The following CAP2 variants were observed in gnomAD, a reference collection of about 807,000 sequenced individuals.
The protein encoded by CAP2 is adenylyl cyclase-associated protein 2.
Under a neutral mutation model 57.7 loss-of-function variants are expected in CAP2, and 24 were observed. That is an observed-to-expected ratio of 0.42 (90% confidence interval 0.30 to 0.58). The LOEUF (loss-of-function observed/expected upper bound fraction) is 0.58. CAP2 is among the 20% of genes least tolerant of loss of function. The probability of loss-of-function intolerance (pLI) is 0.22; values close to 1 mark genes in which losing one functional copy is unlikely to be tolerated. For synonymous variants in CAP2, 194 were observed against 207.2 expected, an observed-to-expected ratio of 0.94 and a Z score of 0.55; for missense variants, 501 against 590.3, an observed-to-expected ratio of 0.85 and a Z score of 1.57.
chr6:17,543,080 C>T lies in CAP2; in HGVS notation c.1146C>T (p.Gly382=), dbSNP rs1002629569. 2 of 1,614,090 alleles carry T rather than the reference C, an allele frequency of 1.2e-6. No homozygotes were observed. The highest frequency in any genetic ancestry group is 1.7e-6 in the Non-Finnish European group (2 of 1,179,962). Residue 382 remains glycine (G), a synonymous_variant, in exon 11 of 13, where the codon GGC becomes GGT. Coordinates refer to ENST00000229922, the MANE Select transcript of CAP2 (RefSeq NM_006366.3). ...CCACAGACAACTGTAAAAAACTCGG[C>T]CTGGTGTTTGACAATGTGGTGGGCA... The part of the protein sequence containing the change: ...SIIIDNCKKL[G]LVFDNVVGIV...
rs187582374 is a variant in CAP2, at chr6:17,460,942, G to T, written c.223-2054G>T. 1.4e-3 allele frequency among the ~76,000 whole-genome samples: 211 copies of T among 152,262 alleles called. 1 individual carries two copies. The highest frequency in any genetic ancestry group is 2.6e-3 in the Non-Finnish European group (176 of 68,024). The stretch of plus-strand genomic sequence containing the variant: ...ACAGGAGGATCGCTTGAGCACAAGA[G>T]TTTGAGACCAGCCTGGACAACATAG... On this transcript the variant is annotated intron_variant, in intron 3 of 12. Transcript: ENST00000229922.
At chr6:17,443,578 C>CACACAT (rs1760154840) in intron 3 of CAP2, among the ~76,000 whole-genome samples, 1 of 151,722 alleles carries the variant, frequency 6.6e-6, no homozygotes, top group South Asian at 2.1e-4. Flanking sequence ...CACACAGACA[C>CACACAT]ACACACACAC....
chr6:17,516,463 A>G (rs921109212), intron 7 of CAP2, among the ~76,000 whole-genome samples: 2 of 152,188 alleles, frequency 1.3e-5, no homozygotes, highest in African/African-American at 4.8e-5. Flanking sequence ...CTTGAGGGAA[A>G]GGTTGGGAGG....
At chr6:17,496,303 C>T (rs823435) in intron 4 of CAP2, among the ~76,000 whole-genome samples, 1 of 151,886 alleles carries the variant, frequency 6.6e-6, no homozygotes, top group Non-Finnish European at 1.5e-5. Context: ...CATCAGGTTA[C>T]GCAAAGTTAA....
At chr6:17,539,164 T>G in intron 7 of CAP2, 105 bp from the exon 8 acceptor site, 1 of 1,065,482 alleles carries the variant, frequency 9.4e-7, no homozygotes, top group Non-Finnish European at 1.4e-6. Flanking sequence ...TGCTCAGGCT[T>G]CAACCCCACT....
chr6:17,408,263 C>A (rs1759040045), intron 1 of CAP2, among the ~76,000 whole-genome samples: 1 of 152,156 alleles, frequency 6.6e-6, no homozygotes, highest in Non-Finnish European at 1.5e-5. Flanking sequence ...CTGGAATGTG[C>A]AGATTACACG....
At chr6:17,487,199 A>G (rs1033900143) in intron 4 of CAP2, among the ~76,000 whole-genome samples, 1 of 152,092 alleles carries the variant, frequency 6.6e-6, no homozygotes, top group Non-Finnish European at 1.5e-5. Context: ...TTTCGGAGCC[A>G]TCTCCTTCTC....
At chr6:17,421,411 A>C (rs749505428) in intron 1 of CAP2, 144 bp from the exon 2 acceptor site, 1 of 837,218 alleles carries the variant, frequency 1.2e-6, no homozygotes, top group African/African-American at 1.7e-5. Context: ...ACAATAATAC[A>C]TACAATTTCA....
chr6:17,455,575 G>A (rs540476717), intron 3 of CAP2, among the ~76,000 whole-genome samples: 23 of 149,240 alleles, frequency 1.5e-4, no homozygotes, highest in Admixed American at 7.4e-4. Flanking sequence ...TCGCTCTGTC[G>A]CCCAGGCTGG....
Position 17,544,144 on chromosome 6 carries a change from A to G in CAP2, c.1209+1001A>G, listed in dbSNP as rs1256643803. On this transcript the variant is annotated intron_variant, in intron 11 of 12. Transcript: ENST00000229922. ...TGTCTCAAAAAAAAAAAAAGAAAAGAAAAAAAGGACAGCTATGTAATCTTT... is the reference window on the plus strand; with the variant it reads ...TGTCTCAAAAAAAAAAAAAGAAAAGGAAAAAAGGACAGCTATGTAATCTTT... Among the ~76,000 whole-genome samples, 8 of 144,690 alleles carry G rather than the reference A, an allele frequency of 5.5e-5. No individual in the cohort carries two copies. In the East Asian group the frequency reaches 1.0e-3, roughly 19 times the overall value. 94.9% of individuals were successfully genotyped at this position (144,690 alleles called of 152,430 possible). A position where few individuals can be genotyped will look rare whatever the true frequency, so the allele number is the denominator to read the frequency against.
At chr6:17,527,597 CTTTTT>C (rs10668941) in intron 7 of CAP2, among the ~76,000 whole-genome samples, 1 of 131,224 alleles carries the variant, frequency 7.6e-6, no homozygotes. Flanking sequence ...TGTTCTCTTT[CTTTTT>C]TTTTTTTTTT....
intron 4 of CAP2, among the ~76,000 whole-genome samples, chr6:17,505,155 A>G (rs1761943606): frequency 6.6e-6 from 1 of 152,110 alleles, no homozygotes; most frequent in South Asian, 2.1e-4. Context: ...ATTCTCTCTG[A>G]TTTATAGATG....
At chr6:17,508,922 T>A (rs1338672418) in intron 6 of CAP2, among the ~76,000 whole-genome samples, 1 of 152,056 alleles carries the variant, frequency 6.6e-6, no homozygotes, top group Non-Finnish European at 1.5e-5. Flanking sequence ...CACGCCCAGC[T>A]AATTTTTGTA....
At chr6:17,548,656 TG>T (rs1461092352) in intron 11 of CAP2, among the ~76,000 whole-genome samples, 1 of 152,166 alleles carries the variant, frequency 6.6e-6, no homozygotes, top group Non-Finnish European at 1.5e-5. Context: ...GGAAAACAAA[TG>T]GACAAGAATA....
chr6:17,463,219 A>G, intron 4 of CAP2, 146 bp downstream of exon 4: 1 of 614,240 alleles, frequency 1.6e-6, no homozygotes, highest in Non-Finnish European at 2.9e-6. Context: ...AATCTGGATC[A>G]TGGTATAGAA....
intron 3 of CAP2, among the ~76,000 whole-genome samples, chr6:17,446,292 G>A (rs910042): frequency 0.49 from 74,610 of 152,100 alleles, 19,285 homozygotes; most frequent in East Asian, 0.84. Flanking sequence ...TTTAATTAGA[G>A]AAAGTCAAAG....
chr6:17,521,220 C>T (rs1046369518), intron 7 of CAP2, among the ~76,000 whole-genome samples: 2 of 151,830 alleles, frequency 1.3e-5, no homozygotes, highest in African/African-American at 4.8e-5. Flanking sequence ...CGAGACCATC[C>T]TGGCTAACAC....
chr6:17,395,997 C>A (rs1035827998), intron 1 of CAP2, among the ~76,000 whole-genome samples: 1 of 152,102 alleles, frequency 6.6e-6, no homozygotes, highest in African/African-American at 2.4e-5. Flanking sequence ...GGCAAAGGAT[C>A]TGAATAGCTA....
chr6:17,479,607 ATTTT>A (rs11336517), intron 4 of CAP2, among the ~76,000 whole-genome samples: 13 of 126,442 alleles, frequency 1.0e-4, no homozygotes, highest in African/African-American at 3.9e-4. Context: ...CTGCTTTTTA[ATTTT>A]TTTTTTTTTT....
Sources: gnomAD v4.1 joint callset for allele counts (sites outside exome capture counted in the v4.1 genomes callset) on GRCh38, gnomAD v4.1.1 for gene constraint, MANE v1.5 for transcripts, NCBI Gene and HGNC (gene_info 2026-07-23, HGNC 2026-07-21) for gene names.